ENTREP2: variants seen among roughly 807,000 people sequenced by gnomAD.
The protein encoded by ENTREP2 is endosomal transmembrane epsin interactor 2, also known as protein ENTREP2.
the ENTREP2 span, among the ~76,000 whole-genome samples, chr15:29,573,076 T>C: frequency 1.3e-5 from 2 of 152,178 alleles, no homozygotes; most frequent in South Asian, 4.1e-4. Flanking sequence ...GGGGAGCCAG[T>C]TGGTGACCTC....
At chr15:29,482,164 A>ATTTTTTTTTTTTT in the ENTREP2 span, among the ~76,000 whole-genome samples, 1 of 135,260 alleles carries the variant, frequency 7.4e-6, no homozygotes, top group African/African-American at 2.8e-5. Flanking sequence ...CAGGCAGCTA[A>ATTTTTTTTTTTTT]TTTTTTTTTT....
At chr15:29,329,057 C>A in the ENTREP2 span, among the ~76,000 whole-genome samples, 2 of 151,936 alleles carry the variant, frequency 1.3e-5, no homozygotes, top group Non-Finnish European at 2.9e-5. Context: ...AACAATGATC[C>A]CTAATAATAA....
the ENTREP2 span, among the ~76,000 whole-genome samples, chr15:29,545,763 A>AT: frequency 2.7e-4 from 41 of 152,102 alleles, no homozygotes; most frequent in African/African-American, 8.0e-4. Flanking sequence ...GTTAGAATAC[A>AT]TTTTTTTAAG....
At chr15:29,118,143 A>C in the ENTREP2 span, 1 of 152,614 alleles carries the variant, frequency 6.6e-6, no homozygotes, top group African/African-American at 2.4e-5. Flanking sequence ...TCTTGTCTCG[A>C]AGTCTCTTTT....
At chr15:29,173,105 C>T in the ENTREP2 span, among the ~76,000 whole-genome samples, 1 of 152,174 alleles carries the variant, frequency 6.6e-6, no homozygotes, top group African/African-American at 2.4e-5. Context: ...ACTGGTCTAG[C>T]TCTCTCCGCT....
chr15:29,206,907 T>G, the ENTREP2 span, among the ~76,000 whole-genome samples: 2 of 152,200 alleles, frequency 1.3e-5, no homozygotes, highest in Non-Finnish European at 2.9e-5. Flanking sequence ...ACGTTTTATA[T>G]TCACACACGT....
chr15:29,641,785 T>C, the ENTREP2 span, among the ~76,000 whole-genome samples: 64 of 150,330 alleles, frequency 4.3e-4, no homozygotes, highest in East Asian at 5.7e-3. Flanking sequence ...TGAGCCAAGA[T>C]TGCGCCACTG....
chr15:29,316,536 G>C, the ENTREP2 span, among the ~76,000 whole-genome samples: 1 of 152,168 alleles, frequency 6.6e-6, no homozygotes, highest in South Asian at 2.1e-4. Flanking sequence ...TTTAGAGGTA[G>C]GCATGTATGT....
At chr15:29,600,027 G>C in the ENTREP2 span, among the ~76,000 whole-genome samples, 2 of 152,094 alleles carry the variant, frequency 1.3e-5, no homozygotes, top group African/African-American at 4.8e-5. Flanking sequence ...CTTACGGAAG[G>C]CTTCTTAACA....
the ENTREP2 span, among the ~76,000 whole-genome samples, chr15:29,280,762 A>T: frequency 3.9e-5 from 6 of 152,236 alleles, no homozygotes; most frequent in Non-Finnish European, 8.8e-5. Context: ...CGTTTCCTCA[A>T]AATGCATGAA....
chr15:29,468,780 A>G, the ENTREP2 span, among the ~76,000 whole-genome samples: 1 of 152,334 alleles, frequency 6.6e-6, no homozygotes, highest in Non-Finnish European at 1.5e-5. Context: ...TCATTAGCCA[A>G]CACATACATT....
At chr15:29,597,515 C>A in the ENTREP2 span, among the ~76,000 whole-genome samples, 37 of 151,776 alleles carry the variant, frequency 2.4e-4, no homozygotes, top group Non-Finnish European at 4.0e-4. Flanking sequence ...TTGCTGTGAG[C>A]CGAGATTGCG....
chr15:29,428,569 A>G, the ENTREP2 span, among the ~76,000 whole-genome samples: 1 of 152,158 alleles, frequency 6.6e-6, no homozygotes, highest in African/African-American at 2.4e-5. Context: ...TTTTCCCAAA[A>G]AAAAAAAAGT....
At chr15:29,621,485 T>G in the ENTREP2 span, among the ~76,000 whole-genome samples, 23 of 120,596 alleles carry the variant, frequency 1.9e-4, no homozygotes, top group Non-Finnish European at 2.5e-4. Context: ...ATCGTGCCAC[T>G]GCACTCCAGC....
the ENTREP2 span, among the ~76,000 whole-genome samples, chr15:29,163,138 A>G: frequency 9.2e-3 from 1,395 of 152,340 alleles, 20 homozygotes; most frequent in African/African-American, 0.031. Context: ...GGAGCACTCC[A>G]TGGGACAAAA....
the ENTREP2 span, among the ~76,000 whole-genome samples, chr15:29,385,590 T>C: frequency 6.6e-6 from 1 of 152,178 alleles, no homozygotes; most frequent in African/African-American, 2.4e-5. Flanking sequence ...CTGTCACTCT[T>C]GTGGTCTTCC....
the ENTREP2 span, among the ~76,000 whole-genome samples, chr15:29,254,979 T>TA: frequency 1.3e-5 from 2 of 152,204 alleles, no homozygotes; most frequent in Admixed American, 6.5e-5. Flanking sequence ...GCCAAGAACT[T>TA]AAACACATTT....
the ENTREP2 span, among the ~76,000 whole-genome samples, chr15:29,551,593 G>A: frequency 6.6e-6 from 1 of 151,808 alleles, no homozygotes; most frequent in Non-Finnish European, 1.5e-5. Flanking sequence ...TGAGTCTTAA[G>A]ACTTTTTAAA....
At chr15:29,583,502 G>T in the ENTREP2 span, among the ~76,000 whole-genome samples, 3 of 152,120 alleles carry the variant, frequency 2.0e-5, no homozygotes, top group Non-Finnish European at 2.9e-5. Flanking sequence ...GAGCAATGAG[G>T]GGGAGAGCAT....
Sources: allele counts gnomAD v4.1 joint callset (sites outside exome capture counted in the v4.1 genomes callset), GRCh38; gene constraint gnomAD v4.1.1; transcripts MANE v1.5; gene names NCBI Gene and HGNC (gene_info 2026-07-23, HGNC 2026-07-21).